The following CHKA variants were observed in gnomAD, a reference collection of about 807,000 sequenced individuals.
The protein encoded by CHKA is CHETK-alpha.
Under a neutral mutation model 60.1 loss-of-function variants are expected in CHKA, and 34 were observed. The observed-to-expected ratio is 0.57, with a 90% CI of 0.43 to 0.75. The LOEUF is 0.75. Ranked by LOEUF, CHKA falls within the 30% of genes least tolerant of loss-of-function variation. CHKA has a pLI of 0.00. For synonymous variants in CHKA, 217 were observed against 223.1 expected (o/e 0.97, Z 0.24); for missense variants, 563 against 561.3 (o/e 1.00, Z -0.03).
At chr11:68,114,801 G>A (rs1318188508) in intron 1 of CHKA, among the ~76,000 whole-genome samples, 3 of 151,898 alleles carry the variant, frequency 2.0e-5, no homozygotes, top group Non-Finnish European at 4.4e-5. Context: ...TACATACTGT[G>A]TGATTCCAAT....
chr11:68,070,987 T>A, intron 4 of CHKA, 130 bp from the exon 5 acceptor site: 1 of 834,760 alleles, frequency 1.2e-6, no homozygotes. Context: ...CAAATTCCCT[T>A]AAGAATGGAC....
At chr11:68,069,261 A>G (rs528237922) in intron 6 of CHKA, among the ~76,000 whole-genome samples, 1 of 152,236 alleles carries the variant, frequency 6.6e-6, no homozygotes, top group East Asian at 1.9e-4. Context: ...TATGCAGACT[A>G]AGGGCCTACT....
intron 7 of CHKA, among the ~76,000 whole-genome samples, chr11:68,067,130 G>A (rs1047374292): frequency 1.3e-5 from 2 of 152,130 alleles, no homozygotes; most frequent in South Asian, 2.1e-4. Flanking sequence ...GCAGGCCTGC[G>A]TTCCTGAGAT....
At chr11:68,110,287 A>G (rs1157830963) in intron 1 of CHKA, among the ~76,000 whole-genome samples, 2 of 152,222 alleles carry the variant, frequency 1.3e-5, no homozygotes, top group Non-Finnish European at 2.9e-5. Context: ...AAGGAAATTA[A>G]AAGTATACAG....
intron 1 of CHKA, among the ~76,000 whole-genome samples, chr11:68,111,803 CA>C (rs1162734006): frequency 8.5e-5 from 13 of 152,090 alleles, no homozygotes; most frequent in African/African-American, 3.1e-4. Flanking sequence ...CCTGTAATCC[CA>C]GCACTTTGGG....
At chr11:68,062,574 T>C (rs1216700543) in intron 10 of CHKA, among the ~76,000 whole-genome samples, 5 of 152,172 alleles carry the variant, frequency 3.3e-5, no homozygotes, top group African/African-American at 4.8e-5. Context: ...ATCTCTAAGC[T>C]GTACCAAGCC....
At chr11:68,075,678 G>A (rs1275455103) in intron 3 of CHKA, among the ~76,000 whole-genome samples, 2 of 152,104 alleles carry the variant, frequency 1.3e-5, no homozygotes, top group Middle Eastern at 3.2e-3. Flanking sequence ...GCTCATGCCT[G>A]TAATCCCAAC....
intron 1 of CHKA, among the ~76,000 whole-genome samples, chr11:68,097,348 G>A (rs1478632880): frequency 2.6e-5 from 4 of 152,046 alleles, no homozygotes; most frequent in Non-Finnish European, 4.4e-5. Flanking sequence ...GAAATTGCCC[G>A]TGTGGGCCGG....
chr11:68,108,498 A>G (rs1344351887), intron 1 of CHKA, among the ~76,000 whole-genome samples: 1 of 152,264 alleles, frequency 6.6e-6, no homozygotes, highest in Admixed American at 6.5e-5. Context: ...TAATCCCAGC[A>G]CTTTGGGAGG....
intron 1 of CHKA, among the ~76,000 whole-genome samples, chr11:68,101,424 C>G (rs1857718138): frequency 6.6e-6 from 1 of 151,686 alleles, no homozygotes; most frequent in Admixed American, 6.6e-5. Context: ...CCCTAAAGAC[C>G]CCACCAAAAA....
intron 8 of CHKA, 31 bp downstream of exon 8, chr11:68,066,398 G>T: frequency 6.7e-7 from 1 of 1,487,754 alleles, no homozygotes; most frequent in Non-Finnish European, 9.4e-7. Flanking sequence ...AATCAATATT[G>T]AGATGGAAAC....
intron 11 of CHKA, among the ~76,000 whole-genome samples, chr11:68,059,284 TC>T (rs1856135994): frequency 6.6e-6 from 1 of 152,180 alleles, no homozygotes; most frequent in African/African-American, 2.4e-5. Context: ...TCACATTGGA[TC>T]TTGTCAAATG....
At chr11:68,083,904 T>A (rs1383503861) in intron 2 of CHKA, among the ~76,000 whole-genome samples, 1 of 151,940 alleles carries the variant, frequency 6.6e-6, no homozygotes, top group East Asian at 1.9e-4. Flanking sequence ...TGTATATTCA[T>A]GGAAAGGTAA....
chr11:68,095,402 CAAAAAA>C (rs35029853), intron 2 of CHKA, among the ~76,000 whole-genome samples: 1 of 12,484 alleles, frequency 8.0e-5, no homozygotes, highest in Non-Finnish European at 1.3e-4. Flanking sequence ...GACTCCATCT[CAAAAAA>C]AAAAAAAAAA....
At chr11:68,106,761 A>G (rs1361616290) in intron 1 of CHKA, among the ~76,000 whole-genome samples, 1 of 152,200 alleles carries the variant, frequency 6.6e-6, no homozygotes, top group Non-Finnish European at 1.5e-5. Context: ...GTTTAAGAGG[A>G]TGCCAGAAGG....
At chr11:68,112,926 C>A (rs888748920) in intron 1 of CHKA, among the ~76,000 whole-genome samples, 1 of 151,078 alleles carries the variant, frequency 6.6e-6, no homozygotes, top group African/African-American at 2.4e-5. Context: ...ACTAAAAATA[C>A]AAAAAATTAG....
intron 7 of CHKA, among the ~76,000 whole-genome samples, chr11:68,067,633 C>A (rs1344496666): frequency 6.6e-6 from 1 of 152,164 alleles, no homozygotes; most frequent in Non-Finnish European, 1.5e-5. Context: ...AGTAGCACAA[C>A]AAAATTAATG....
intron 2 of CHKA, among the ~76,000 whole-genome samples, chr11:68,084,263 TACATATATACGTATATATAC>T (rs1410285209): frequency 7.0e-6 from 1 of 142,558 alleles, no homozygotes; most frequent in Non-Finnish European, 1.5e-5. Context: ...AAAAAAAAAA[TACATATATACGTATATATAC>T]ACATATATAT....
chr11:68,074,127 C>G (rs1317847114), intron 4 of CHKA, among the ~76,000 whole-genome samples: 1 of 152,134 alleles, frequency 6.6e-6, no homozygotes, highest in East Asian at 1.9e-4. Flanking sequence ...ACATGGTATA[C>G]TGGTAAATGT....
Sources: allele counts gnomAD v4.1 joint callset (sites outside exome capture counted in the v4.1 genomes callset), GRCh38; gene constraint gnomAD v4.1.1; transcripts MANE v1.5; gene names NCBI Gene and HGNC (gene_info 2026-07-23, HGNC 2026-07-21).